The following XYLT1 variants were observed in gnomAD, a reference collection of about 807,000 sequenced individuals.
XYLT1 encodes beta-D-xylosyltransferase 1.
XYLT1 carries 36 observed loss-of-function variants against 91.3 expected under a neutral mutation model. That is an observed-to-expected ratio of 0.39 (90% CI 0.30 to 0.52). The LOEUF is 0.52. Among genes scored for constraint, XYLT1 ranks in the 20% least tolerant of loss-of-function variants. XYLT1 has a pLI of 0.68. For missense variants in XYLT1, 1,242 were observed against 1,284.5 expected (o/e 0.97, Z 0.51); for synonymous variants, 588 against 532.0 (o/e 1.11, Z -1.45).
intron 1 of XYLT1, among the ~76,000 whole-genome samples, chr16:17,445,500 C>T (rs1438841666): frequency 6.6e-6 from 1 of 152,220 alleles, no homozygotes; most frequent in Non-Finnish European, 1.5e-5. Flanking sequence ...GGGAGCCCTT[C>T]CTGGCAGCTG....
intron 1 of XYLT1, among the ~76,000 whole-genome samples, chr16:17,400,663 G>C (rs2035954801): frequency 7.9e-6 from 1 of 127,056 alleles, no homozygotes; most frequent in Non-Finnish European, 1.7e-5. Context: ...AAGGAAGGAA[G>C]GAAGGAAGGA....
chr16:17,280,918 C>T (rs533965141), intron 2 of XYLT1, among the ~76,000 whole-genome samples: 1 of 152,296 alleles, frequency 6.6e-6, no homozygotes, highest in South Asian at 2.1e-4. Context: ...TTCACCAATT[C>T]TCAGCCTTGC....
At position 17,365,672 on chromosome 16, in the gene XYLT1, T is replaced by A. The variant is rs541899979; in HGVS notation, c.364-7622A>T. Among the ~76,000 whole-genome samples the A allele has an allele frequency of 5.1e-4, 78 of 152,352 alleles. 2 individuals are homozygous for A. The South Asian group carries it at 0.013, about 25-fold the overall frequency. On this transcript the variant is annotated intron_variant, in intron 1 of 11. Coordinates refer to ENST00000261381, the MANE Select transcript of XYLT1 (RefSeq NM_022166.4). Reference sequence around the variant, plus strand: ...TCTTTCTGCTATCCTACTTTCATTCTACATTTTTTTAGCCCAGGACCCAGA... The same window carrying A: ...TCTTTCTGCTATCCTACTTTCATTCAACATTTTTTTAGCCCAGGACCCAGA...
chr16:17,258,093 A>C (rs1481204756), intron 3 of XYLT1, among the ~76,000 whole-genome samples: 1 of 152,048 alleles, frequency 6.6e-6, no homozygotes, highest in African/African-American at 2.4e-5. Flanking sequence ...GGTCATCCGC[A>C]CATAAAAGAG....
At chr16:17,347,554 C>G (rs989726819) in intron 2 of XYLT1, among the ~76,000 whole-genome samples, 2 of 152,166 alleles carry the variant, frequency 1.3e-5, no homozygotes, top group Non-Finnish European at 2.9e-5. Flanking sequence ...ATGATCTTCT[C>G]TCTAAAAAAA....
intron 3 of XYLT1, among the ~76,000 whole-genome samples, chr16:17,219,394 C>T (rs766843094): frequency 4.8e-4 from 73 of 151,846 alleles, no homozygotes; most frequent in Admixed American, 1.4e-3. Flanking sequence ...ACATGATAGG[C>T]GAATCTCTAA....
intron 3 of XYLT1, among the ~76,000 whole-genome samples, chr16:17,235,889 CAG>C (rs1411118633): frequency 3.9e-5 from 6 of 152,254 alleles, no homozygotes; most frequent in African/African-American, 1.4e-4. Context: ...ATTATTGAGA[CAG>C]AGTCTTGCTC....
intron 1 of XYLT1, among the ~76,000 whole-genome samples, chr16:17,374,370 G>C (rs1241110303): frequency 6.6e-6 from 1 of 152,148 alleles, no homozygotes; most frequent in Non-Finnish European, 1.5e-5. Flanking sequence ...CACTGCCAAA[G>C]TTCCTGTGTA....
intron 3 of XYLT1, chr16:17,249,722 G>C (rs1406639029): frequency 6.5e-6 from 1 of 152,672 alleles, no homozygotes; most frequent in African/African-American, 2.4e-5. Flanking sequence ...AGGTTGGAGT[G>C]CAGTGGTGTG....
intron 5 of XYLT1, among the ~76,000 whole-genome samples, chr16:17,179,927 G>A (rs995562119): frequency 5.9e-5 from 9 of 152,168 alleles, no homozygotes; most frequent in Non-Finnish European, 1.0e-4. Context: ...CGGCCCACAG[G>A]CCATACTTGG....
At chr16:17,406,046 G>T (rs533048388) in intron 1 of XYLT1, among the ~76,000 whole-genome samples, 1 of 152,058 alleles carries the variant, frequency 6.6e-6, no homozygotes, top group Non-Finnish European at 1.5e-5. Flanking sequence ...TTAGCCAGGC[G>T]TGGTGGTGCA....
At chr16:17,248,693 T>C (rs1045575257) in intron 3 of XYLT1, among the ~76,000 whole-genome samples, 2 of 151,668 alleles carry the variant, frequency 1.3e-5, no homozygotes, top group African/African-American at 4.9e-5. Flanking sequence ...AGCTCAACTA[T>C]AAAACACAAC....
intron 7 of XYLT1, among the ~76,000 whole-genome samples, chr16:17,138,976 G>C (rs1293025784): frequency 6.6e-6 from 1 of 152,184 alleles, no homozygotes; most frequent in African/African-American, 2.4e-5. Context: ...ATTAGACCCA[G>C]GGCTTCCTGC....
chr16:17,226,007 G>A (rs1397244910), intron 3 of XYLT1, among the ~76,000 whole-genome samples: 1 of 151,686 alleles, frequency 6.6e-6, no homozygotes, highest in African/African-American at 2.4e-5. Context: ...CATTTCAGCT[G>A]CTGGAAATTT....
intron 2 of XYLT1, among the ~76,000 whole-genome samples, chr16:17,339,994 C>A (rs1463655141): frequency 2.6e-5 from 4 of 151,864 alleles, no homozygotes; most frequent in Non-Finnish European, 4.4e-5. Flanking sequence ...CTTGTCCACC[C>A]ATCCCTCTAT....
At chr16:17,359,919 G>A (rs2035358650) in intron 1 of XYLT1, among the ~76,000 whole-genome samples, 1 of 152,130 alleles carries the variant, frequency 6.6e-6, no homozygotes, top group South Asian at 2.1e-4. Context: ...TGTTGGGGCA[G>A]GACCCATTTT....
intron 8 of XYLT1, chr16:17,137,386 ATTGTG>A (rs1260742494): frequency 6.6e-6 from 1 of 152,404 alleles, no homozygotes; most frequent in Non-Finnish European, 1.5e-5. Context: ...TGAGCCTGGC[ATTGTG>A]TCCCTGCCTT....
chr16:17,305,897 T>C (rs1376279426), intron 2 of XYLT1, among the ~76,000 whole-genome samples: 1 of 152,060 alleles, frequency 6.6e-6, no homozygotes, highest in East Asian at 1.9e-4. Context: ...GGAGTCCCTG[T>C]GGGGGCAGTC....
chr16:17,358,592 T>C (rs1430924504), intron 1 of XYLT1, among the ~76,000 whole-genome samples: 1 of 151,996 alleles, frequency 6.6e-6, no homozygotes, highest in Admixed American at 6.6e-5. Flanking sequence ...GCACAAGTGA[T>C]GAAAGAGGCT....
Sources: gnomAD v4.1 joint callset for allele counts (sites outside exome capture counted in the v4.1 genomes callset) on GRCh38, gnomAD v4.1.1 for gene constraint, MANE v1.5 for transcripts, NCBI Gene and HGNC (gene_info 2026-07-23, HGNC 2026-07-21) for gene names.